Variants in CDH12 observed in about 807,000 individuals in gnomAD.
CDH12 encodes the protein cadherin-12.
CDH12 carries 41 observed loss-of-function variants against 74.1 expected under a neutral mutation model. The observed-to-expected ratio is 0.55, with a 90% CI of 0.43 to 0.72. The LOEUF (loss-of-function observed/expected upper bound fraction) is 0.72, where lower values mean the gene tolerates loss of function less well. CDH12 is among the 30% of genes least tolerant of loss of function. The pLI is 0.00. For synonymous variants in CDH12, 399 were observed against 355.0 expected (o/e 1.12, Z -1.39); for missense variants, 945 against 977.2 (o/e 0.97, Z 0.44).
chr5:22,458,327 C>G (rs1371402776), intron 2 of CDH12, among the ~76,000 whole-genome samples: 1 of 152,268 alleles, frequency 6.6e-6, no homozygotes, highest in Admixed American at 6.5e-5. Flanking sequence ...TAGGAAGATA[C>G]TAGCAATATT....
chr5:22,311,769 G>T (rs1050010219), intron 3 of CDH12, among the ~76,000 whole-genome samples: 2 of 151,640 alleles, frequency 1.3e-5, no homozygotes, highest in African/African-American at 4.8e-5. Flanking sequence ...GTGGTCTAGG[G>T]AAGTTCGTGA....
chr5:21,824,488 C>T (rs1293619900), intron 8 of CDH12, among the ~76,000 whole-genome samples: 2 of 152,126 alleles, frequency 1.3e-5, no homozygotes, highest in Admixed American at 1.3e-4. Flanking sequence ...CAGGACTTAA[C>T]ATAATGTTGG....
intron 1 of CDH12, among the ~76,000 whole-genome samples, chr5:22,576,517 G>C (rs558398952): frequency 2.8e-4 from 43 of 152,254 alleles, no homozygotes; most frequent in African/African-American, 1.0e-3. Context: ...CAAGTTAAAA[G>C]GCAATTACTG....
chr5:21,934,697 T>G (rs1279509955), intron 6 of CDH12, among the ~76,000 whole-genome samples: 1 of 152,192 alleles, frequency 6.6e-6, no homozygotes, highest in Admixed American at 6.5e-5. Context: ...AAACTCTCTT[T>G]GATGGTTTCT....
At chr5:22,668,227 A>G (rs975420390) in intron 1 of CDH12, among the ~76,000 whole-genome samples, 2 of 152,218 alleles carry the variant, frequency 1.3e-5, no homozygotes, top group African/African-American at 4.8e-5. Flanking sequence ...AAAGTTTTAT[A>G]AAAATCTCAT....
At chr5:21,826,230 A>G (rs141499807) in intron 8 of CDH12, among the ~76,000 whole-genome samples, 1 of 152,146 alleles carries the variant, frequency 6.6e-6, no homozygotes, top group African/African-American at 2.4e-5. Context: ...CTTATTCCAA[A>G]ACATTACTTG....
At chr5:22,631,139 A>G (rs931269792) in intron 1 of CDH12, among the ~76,000 whole-genome samples, 10 of 152,306 alleles carry the variant, frequency 6.6e-5, no homozygotes, top group Admixed American at 3.9e-4. Context: ...AAAATAACAG[A>G]CGCTATTGAG....
At chr5:22,578,823 C>T (rs2937465) in intron 1 of CDH12, among the ~76,000 whole-genome samples, 92,953 of 151,856 alleles carry the variant, frequency 0.61, 29,015 homozygotes, top group East Asian at 0.89. Context: ...TAACTTGATC[C>T]GATCATTCCA....
chr5:22,844,703 T>C (rs1737223492), intron 1 of CDH12, among the ~76,000 whole-genome samples: 1 of 152,150 alleles, frequency 6.6e-6, no homozygotes, highest in Admixed American at 6.6e-5. Context: ...AGGAAATAAG[T>C]TTCCACTCTA....
intron 1 of CDH12, among the ~76,000 whole-genome samples, chr5:22,623,766 T>C (rs1163423375): frequency 6.6e-6 from 1 of 152,118 alleles, no homozygotes; most frequent in Non-Finnish European, 1.5e-5. Flanking sequence ...TTCAATACCA[T>C]ACCCATCAAG....
At chr5:21,874,076 A>T (rs113879960) in intron 6 of CDH12, among the ~76,000 whole-genome samples, 1 of 152,170 alleles carries the variant, frequency 6.6e-6, no homozygotes, top group African/African-American at 2.4e-5. Context: ...TTGCAAGCGT[A>T]TATCTTTGTA....
At chr5:22,372,282 C>G (rs1268520592) in intron 3 of CDH12, among the ~76,000 whole-genome samples, 1 of 152,048 alleles carries the variant, frequency 6.6e-6, no homozygotes, top group Non-Finnish European at 1.5e-5. Flanking sequence ...TGGGACTCAA[C>G]AGAGAAGGGA....
chr5:22,614,788 G>C (rs1042121385), intron 1 of CDH12, among the ~76,000 whole-genome samples: 1 of 152,070 alleles, frequency 6.6e-6, no homozygotes, highest in Non-Finnish European at 1.5e-5. Context: ...ATCTTGGATA[G>C]CACTGAACCC....
At chr5:21,977,127 G>C (rs1757103704) in intron 5 of CDH12, among the ~76,000 whole-genome samples, 1 of 151,880 alleles carries the variant, frequency 6.6e-6, no homozygotes. Flanking sequence ...ATAAAAACCT[G>C]GTTGGGTAAT....
At chr5:21,987,690 T>C (rs1757574358) in intron 5 of CDH12, among the ~76,000 whole-genome samples, 1 of 152,222 alleles carries the variant, frequency 6.6e-6, no homozygotes, top group African/African-American at 2.4e-5. Context: ...TTAAACTCCT[T>C]GATTGTTCTT....
chr5:22,675,529 A>G (rs1233959646), intron 1 of CDH12, among the ~76,000 whole-genome samples: 1 of 152,110 alleles, frequency 6.6e-6, no homozygotes, highest in Admixed American at 6.5e-5. Flanking sequence ...CTCAGATGAG[A>G]CTTTGGACTG....
chr5:22,783,358 C>T (rs1292081406), intron 1 of CDH12, among the ~76,000 whole-genome samples: 1 of 152,142 alleles, frequency 6.6e-6, no homozygotes, highest in South Asian at 2.1e-4. Flanking sequence ...GTAATGAGTT[C>T]AGCTCAGTTC....
At chr5:22,823,194 G>A (rs1411489313) in intron 1 of CDH12, among the ~76,000 whole-genome samples, 1 of 147,390 alleles carries the variant, frequency 6.8e-6, no homozygotes, top group African/African-American at 2.5e-5. Flanking sequence ...GAGAACACTT[G>A]GACACAGGAA....
At chr5:22,202,852 G>A (rs1259119299) in intron 4 of CDH12, among the ~76,000 whole-genome samples, 2 of 152,072 alleles carry the variant, frequency 1.3e-5, no homozygotes, top group African/African-American at 2.4e-5. Flanking sequence ...ATATATTCTT[G>A]GCACAGCATT....
Sources: allele counts gnomAD v4.1 joint callset (sites outside exome capture counted in the v4.1 genomes callset), GRCh38; gene constraint gnomAD v4.1.1; transcripts MANE v1.5; gene names NCBI Gene and HGNC (gene_info 2026-07-23, HGNC 2026-07-21).